The following CSPP1 variants were observed in gnomAD, a reference collection of about 807,000 sequenced individuals.
CSPP1 encodes the protein centrosome and spindle pole associated protein 1, also known as centrosome and spindle pole-associated protein 1.
In CSPP1, 126 loss-of-function variants were observed where a neutral mutation model predicts 164.4. The observed-to-expected ratio is 0.77, with a 90% CI of 0.66 to 0.89. The LOEUF (loss-of-function observed/expected upper bound fraction) is 0.89, where lower values mean the gene tolerates loss of function less well. Ranked by LOEUF, CSPP1 falls within the 40% of genes least tolerant of loss-of-function variation. CSPP1 has a pLI of 0.00. For synonymous variants in CSPP1, 472 were observed against 476.7 expected (o/e 0.99, Z 0.13); for missense variants, 1,395 against 1,449.8 (o/e 0.96, Z 0.61).
At chr8:67,111,409 T>C (rs1668072319) in intron 9 of CSPP1, among the ~76,000 whole-genome samples, 1 of 152,072 alleles carries the variant, frequency 6.6e-6, no homozygotes, top group African/African-American at 2.4e-5. Flanking sequence ...TTGGGAAGAC[T>C]GGTAATTAGT....
At chr8:67,088,828 C>A (rs112767178) in intron 4 of CSPP1, among the ~76,000 whole-genome samples, 4 of 149,902 alleles carry the variant, frequency 2.7e-5, no homozygotes, top group African/African-American at 9.8e-5. Context: ...ACCCTGGAGG[C>A]GGAGCTTGCA....
At chr8:67,067,449 TTTTGTTTG>T (rs879464939) in intron 1 of CSPP1, among the ~76,000 whole-genome samples, 4 of 152,154 alleles carry the variant, frequency 2.6e-5, no homozygotes, top group Admixed American at 2.0e-4. Flanking sequence ...GCTCTGTTTT[TTTTGTTTG>T]TTTGTTTGTT....
At chr8:67,171,784 G>A (rs576033299) in intron 24 of CSPP1, among the ~76,000 whole-genome samples, 1 of 152,110 alleles carries the variant, frequency 6.6e-6, no homozygotes, top group Non-Finnish European at 1.5e-5. Flanking sequence ...CTGACCTCAG[G>A]TGATTTGCCT....
Position 67,067,721 on chromosome 8 carries a change from C to T in CSPP1, c.-11+3183C>T, listed in dbSNP as rs560229964. 2.6e-5 allele frequency among the ~76,000 whole-genome samples: 4 copies of T among 151,944 alleles called. No homozygotes were observed. The East Asian group carries it at 7.8e-4, about 30-fold the overall frequency. ...CTCGTGATCCGCCCGCCTCGGCCTC[C>T]CAAAGTGTTGGGATTACAGGTGTGA... On this transcript the variant is annotated intron_variant, in intron 1 of 30. Coordinates refer to ENST00000678616, the MANE Select transcript of CSPP1 (RefSeq NM_001382391.1).
intron 15 of CSPP1, among the ~76,000 whole-genome samples, chr8:67,128,652 A>G (rs1390756318): frequency 6.6e-6 from 1 of 152,142 alleles, no homozygotes; most frequent in African/African-American, 2.4e-5. Flanking sequence ...TAATCTTGAT[A>G]CTTAAACCTA....
intron 1 of CSPP1, among the ~76,000 whole-genome samples, chr8:67,065,211 C>T (rs745618033): frequency 6.6e-6 from 1 of 152,142 alleles, no homozygotes; most frequent in Non-Finnish European, 1.5e-5. Flanking sequence ...CCGTGATTGC[C>T]CGACTGCTTG....
chr8:67,095,380 G>T lies in CSPP1; in HGVS notation c.571G>T (p.Gly191Cys). Residue 191 changes from glycine to cysteine, a missense_variant, in exon 7 of 31, where the codon GGT becomes TGT. Gly to Cys is a radical substitution (Grantham distance 159, BLOSUM62 -3). Transcript: ENST00000678616. ...QIQTSCENSE[G>C]PRKDVLTPSE... ...ACAGACATCTTGTGAAAATTCAGAGGGTCCTAGAAAAGATGTCTTAACTCC... is the reference window on the plus strand; with the variant it reads ...ACAGACATCTTGTGAAAATTCAGAGTGTCCTAGAAAAGATGTCTTAACTCC... 1 of 1,609,792 alleles carries T rather than the reference G, an allele frequency of 6.2e-7. No homozygotes were observed. The highest frequency in any genetic ancestry group is 8.5e-7 in the Non-Finnish European group (1 of 1,178,862).
At chr8:67,159,900 CT>C (rs1330762999) in intron 21 of CSPP1, among the ~76,000 whole-genome samples, 2 of 66,754 alleles carry the variant, frequency 3.0e-5, no homozygotes, top group Non-Finnish European at 5.4e-5. Context: ...TTCTTTCTTT[CT>C]TTCTTTCTTT....
intron 29 of CSPP1, among the ~76,000 whole-genome samples, chr8:67,192,073 TTTTTG>T (rs1213354362): frequency 7.0e-6 from 1 of 142,228 alleles, no homozygotes; most frequent in East Asian, 2.2e-4. Flanking sequence ...TTTGTTTTTT[TTTTTG>T]TTTTTTTTTT....
chr8:67,112,453 T>C (rs1360208490), intron 10 of CSPP1, among the ~76,000 whole-genome samples: 2 of 151,618 alleles, frequency 1.3e-5, no homozygotes, highest in African/African-American at 2.4e-5. Flanking sequence ...GCAAAAAAAA[T>C]TGTATCCTAT....
chr8:67,102,996 C>T (rs1251020456), intron 7 of CSPP1, 41 bp from the exon 8 acceptor site: 3 of 1,178,354 alleles, frequency 2.5e-6, no homozygotes, highest in Non-Finnish European at 3.8e-6. Context: ...AGAAGGTCCA[C>T]TGTATGTGGC....
Position 67,159,509 on chromosome 8 carries a change from CTTTTTTTTTTTT to C in CSPP1, c.2538+390_2538+401del, listed in dbSNP as rs1172369424. 7.6e-4 allele frequency among the ~76,000 whole-genome samples: 37 copies of C among 48,910 alleles called. 1 individual carries two copies. Among genetic ancestry groups the C allele is most frequent in the South Asian group, 3.1e-3 (4 of 1,308 alleles). 32.1% of individuals were successfully genotyped at this position (48,910 alleles called of 152,430 possible). On this transcript the variant is annotated intron_variant, in intron 21 of 30. Coordinates refer to ENST00000678616, the MANE Select transcript of CSPP1 (RefSeq NM_001382391.1). ...GTTTATATATATATATATATGTATT[CTTTTTTTTTTTT>C]TTTTTTTTTTTTTTTTTGAGACATA...
In CSPP1 at chr8:67,093,646, GT is replaced by G; in HGVS notation, c.483+9del. Reference sequence around the variant, plus strand: ...CAGGTGGAAAAGAGTACTGAGGTAGGTTTTGCTTTTGAATTAAATCTGTACT... The same window carrying G: ...CAGGTGGAAAAGAGTACTGAGGTAGGTTTGCTTTTGAATTAAATCTGTACT... On this transcript the variant is annotated splice_donor_region_variant and intron_variant, in intron 6 of 30. Coordinates refer to ENST00000678616, the MANE Select transcript of CSPP1 (RefSeq NM_001382391.1). 1 of 1,575,170 alleles carries G rather than the reference GT, an allele frequency of 6.3e-7. No individual in the cohort carries two copies. Among genetic ancestry groups the G allele is most frequent in the Non-Finnish European group, 8.7e-7 (1 of 1,147,560 alleles).
At chr8:67,166,255 T>A (rs1294749049) in intron 24 of CSPP1, among the ~76,000 whole-genome samples, 1 of 152,216 alleles carries the variant, frequency 6.6e-6, no homozygotes, top group African/African-American at 2.4e-5. Context: ...AGAAACCAGA[T>A]AAGCTGGGTC....
intron 28 of CSPP1, among the ~76,000 whole-genome samples, chr8:67,186,963 TATCTATC>T (rs1402022688): frequency 3.5e-5 from 5 of 144,464 alleles, no homozygotes; most frequent in African/African-American, 1.0e-4. Flanking sequence ...GGTATAAATC[TATCTATC>T]ATCTATCTAT....
At chr8:67,098,682 T>C (rs56946170) in intron 7 of CSPP1, among the ~76,000 whole-genome samples, 2,383 of 152,146 alleles carry the variant, frequency 0.016, 56 homozygotes, top group African/African-American at 0.053. Context: ...TTAAGATACT[T>C]TGAAATTTAT....
chr8:67,161,801 A>C lies in CSPP1; in HGVS notation c.2539-10A>C. 1 of 1,594,240 alleles carries C rather than the reference A, an allele frequency of 6.3e-7. No individual in the cohort carries two copies. Among genetic ancestry groups the C allele is most frequent in the South Asian group, 1.1e-5 (1 of 90,674 alleles). On this transcript the variant is annotated splice_polypyrimidine_tract_variant and intron_variant, in intron 21 of 30. Coordinates refer to ENST00000678616, the MANE Select transcript of CSPP1 (RefSeq NM_001382391.1). ...AGCAAATATGCTCTTAAATTTTTTA[A>C]ATTTTTCAGCACATGAGACAGCCTT...
At chr8:67,183,608 A>T (rs891428321) in intron 28 of CSPP1, among the ~76,000 whole-genome samples, 1 of 152,216 alleles carries the variant, frequency 6.6e-6, no homozygotes, top group Non-Finnish European at 1.5e-5. Context: ...CTAAATGAAA[A>T]TGAAAATACA....
At chr8:67,131,394 A>C (rs181952757) in intron 15 of CSPP1, among the ~76,000 whole-genome samples, 10 of 152,320 alleles carry the variant, frequency 6.6e-5, no homozygotes, top group East Asian at 1.9e-4. Context: ...CCCAAAAAAA[A>C]CCAAAAAAAC....
Sources: allele counts gnomAD v4.1 joint callset (sites outside exome capture counted in the v4.1 genomes callset), GRCh38; gene constraint gnomAD v4.1.1; transcripts MANE v1.5; gene names NCBI Gene and HGNC (gene_info 2026-07-23, HGNC 2026-07-21).